LATS2: variants seen among roughly 807,000 people sequenced by gnomAD.
LATS2 encodes the protein serine/threonine-protein kinase LATS2.
In LATS2, 24 loss-of-function variants were observed where a neutral mutation model predicts 76.0. The ratio of observed to expected loss-of-function variants is 0.32; its 90% confidence interval spans 0.23 to 0.44. LATS2 has a LOEUF of 0.44. Ranked by LOEUF, LATS2 falls within the 20% of genes least tolerant of loss-of-function variation. The pLI is 1.00. For synonymous variants in LATS2, 692 were observed against 635.4 expected (o/e 1.09, Z -1.34); for missense variants, 1,286 against 1,481.2 (o/e 0.87, Z 2.16).
intron 2 of LATS2, among the ~76,000 whole-genome samples, chr13:20,996,230 A>G (rs1259128343): frequency 6.6e-6 from 1 of 152,212 alleles, no homozygotes; most frequent in Admixed American, 6.5e-5. Flanking sequence ...AGATGACTCA[A>G]CATGTGCAAA....
At chr13:21,003,257 ATTATTT>A (rs1231470786) in intron 2 of LATS2, among the ~76,000 whole-genome samples, 3 of 152,024 alleles carry the variant, frequency 2.0e-5, no homozygotes, top group Non-Finnish European at 4.4e-5. Flanking sequence ...ATTTATTATT[ATTATTT>A]TTGAGAGGGG....
intron 1 of LATS2, among the ~76,000 whole-genome samples, chr13:21,048,909 T>C (rs1873167201): frequency 6.6e-6 from 1 of 151,468 alleles, no homozygotes; most frequent in East Asian, 1.9e-4. Flanking sequence ...ATAGGATAAA[T>C]GAAAACAAAA....
chr13:21,034,127 C>T (rs949947819), intron 2 of LATS2, among the ~76,000 whole-genome samples: 9 of 152,186 alleles, frequency 5.9e-5, no homozygotes, highest in South Asian at 2.1e-4. Flanking sequence ...ATACCAACCA[C>T]GGGCCAGTTA....
intron 2 of LATS2, among the ~76,000 whole-genome samples, chr13:21,026,103 C>A (rs972282195): frequency 6.6e-6 from 1 of 152,144 alleles, no homozygotes; most frequent in Non-Finnish European, 1.5e-5. Context: ...GGATGCCCCA[C>A]CCTCCTCTAG....
chr13:20,992,777 C>T (rs935918196), intron 2 of LATS2, among the ~76,000 whole-genome samples: 3 of 152,076 alleles, frequency 2.0e-5, no homozygotes, highest in African/African-American at 4.8e-5. Context: ...TGGCTCACGC[C>T]TGTAATCCCA....
intron 2 of LATS2, among the ~76,000 whole-genome samples, chr13:21,036,456 C>T (rs1370295195): frequency 2.6e-5 from 4 of 152,086 alleles, no homozygotes; most frequent in Non-Finnish European, 5.9e-5. Flanking sequence ...TTTCTATTAT[C>T]ACACACATCC....
At chr13:21,051,851 G>A (rs1012422695) in intron 1 of LATS2, among the ~76,000 whole-genome samples, 5 of 150,416 alleles carry the variant, frequency 3.3e-5, no homozygotes, top group East Asian at 4.6e-4. Context: ...CAGCTACTCC[G>A]GAGGCTGAGG....
rs34389397 is a variant in LATS2 at position 20,999,863 on chromosome 13, C to CAAAA, written c.343-8463_343-8460dup. Among the ~76,000 whole-genome samples, 392 of 136,168 alleles carry CAAAA rather than the reference C, an allele frequency of 2.9e-3. 5 individuals carry two copies. The highest frequency in any genetic ancestry group is 0.019 in the East Asian group (88 of 4,614). The allele number at this position is 136,168 out of a possible 152,430, so 89.3% of individuals were successfully genotyped here. On this transcript the variant is annotated intron_variant, in intron 2 of 7. Transcript: ENST00000382592. ...TGAAACCTCATCTCTACTAAACATA[C>CAAAA]AAAAAAAAAAAAAAAATAGCCAGGC...
At position 21,045,545 on chromosome 13, in the gene LATS2, G is replaced by C. The variant is rs1331110792; in HGVS notation, c.342+140C>G. 4.9e-6 allele frequency: 3 copies of C among 617,660 alleles called. No homozygotes were observed. The African/African-American group carries it at 5.5e-5, about 11-fold the overall frequency. The allele number at this position is 617,660 out of a possible 1,614,324, so 38.3% of individuals were successfully genotyped here. On this transcript the variant is annotated intron_variant, in intron 2 of 7. Coordinates refer to ENST00000382592, the MANE Select transcript of LATS2 (RefSeq NM_014572.3). Reference sequence around the variant, plus strand: ...TTGTGAGTTCAATTATGTGTTAAAAGGGCCTTGGGTTTTTAACCTAGAAAC... The same window carrying C: ...TTGTGAGTTCAATTATGTGTTAAAACGGCCTTGGGTTTTTAACCTAGAAAC...
chr13:20,994,551 G>A (rs556410769), intron 2 of LATS2, among the ~76,000 whole-genome samples: 55 of 152,228 alleles, frequency 3.6e-4, no homozygotes, highest in Non-Finnish European at 7.2e-4. Context: ...GAGAGATGCA[G>A]CTGAAGCCTG....
intron 4 of LATS2, among the ~76,000 whole-genome samples, chr13:20,987,100 C>T (rs1281893447): frequency 6.6e-6 from 1 of 152,178 alleles, no homozygotes; most frequent in Non-Finnish European, 1.5e-5. Context: ...GAAGCTGAGG[C>T]AGGAGAATCG....
In LATS2 at chr13:21,050,147, G is replaced by GATAGATAGATACATACATACATAC. The variant is rs71200328; in HGVS notation, c.-204-3918_-204-3917insGTATGTATGTATGTATCTATCTAT. 2.2e-3 allele frequency among the ~76,000 whole-genome samples: 119 copies of GATAGATAGATACATACATACATAC among 53,788 alleles called. 4 individuals are homozygous for GATAGATAGATACATACATACATAC. The highest frequency in any genetic ancestry group is 8.5e-3 in the Middle Eastern group (1 of 118). 35.3% of individuals were successfully genotyped at this position (53,788 alleles called of 152,430 possible). A position where few individuals can be genotyped will look rare whatever the true frequency, so the allele number is the denominator to read the frequency against. On this transcript the variant is annotated intron_variant, in intron 1 of 7. Coordinates refer to ENST00000382592, the MANE Select transcript of LATS2 (RefSeq NM_014572.3). ...AGACAGATAGATAGATAGATAGATA[G>GATAGATAGATACATACATACATAC]ATACATACATACATACATACATACA...
intron 5 of LATS2, 68 bp downstream of exon 5, chr13:20,983,156 T>C (rs1869973366): frequency 2.8e-6 from 3 of 1,073,294 alleles, no homozygotes; most frequent in Admixed American, 2.2e-5. Flanking sequence ...ATGGGAAATT[T>C]AGTTGCTTGC....
At chr13:20,994,854 C>A (rs200017724) in intron 2 of LATS2, among the ~76,000 whole-genome samples, 82 of 144,364 alleles carry the variant, frequency 5.7e-4, no homozygotes, top group Non-Finnish European at 5.7e-4. Context: ...GAATGTGTCT[C>A]AAAAAAAAAA....
At chr13:20,986,442 A>C (rs1458143794) in intron 4 of LATS2, among the ~76,000 whole-genome samples, 1 of 152,242 alleles carries the variant, frequency 6.6e-6, no homozygotes, top group East Asian at 1.9e-4. Context: ...TCAGCCATAA[A>C]AAAGAATGAA....
intron 7 of LATS2, among the ~76,000 whole-genome samples, chr13:20,976,638 G>C (rs541979789): frequency 1.4e-4 from 21 of 152,216 alleles, no homozygotes; most frequent in African/African-American, 4.8e-4. Flanking sequence ...TAATGGACTT[G>C]AGGAGATATT....
intron 2 of LATS2, among the ~76,000 whole-genome samples, chr13:21,043,068 G>C (rs939255866): frequency 2.7e-5 from 4 of 148,602 alleles, no homozygotes; most frequent in Non-Finnish European, 6.0e-5. Flanking sequence ...ACGTGGTGAC[G>C]CACGCCTGTA....
chr13:20,987,935 T>G lies in LATS2; in HGVS notation c.1845A>C (p.Lys615Asn), dbSNP rs913409125. 5 of 1,614,238 alleles carry G rather than the reference T, an allele frequency of 3.1e-6. No homozygotes were observed. The African/African-American group carries it at 5.3e-5, about 17-fold the overall frequency. The change falls in exon 4 of 8, where the codon AAA becomes AAC. Residue 615 changes from lysine to asparagine, a missense_variant. Coordinates refer to ENST00000382592, the MANE Select transcript of LATS2 (RefSeq NM_014572.3). ...TCCGGTTAACCTTCTGCTGGTAGGT[T>G]TTGATGACATTCTCCACGTGCTGCT... ...FMEQHVENVIKTYQQKVNRRL... is the reference protein window; with the variant it reads ...FMEQHVENVINTYQQKVNRRL...
intron 2 of LATS2, among the ~76,000 whole-genome samples, chr13:20,995,473 G>A (rs939768070): frequency 8.5e-5 from 13 of 152,232 alleles, no homozygotes; most frequent in African/African-American, 2.7e-4. Context: ...AACTGAAGGC[G>A]AGGACAGTTC....
Sources: allele counts gnomAD v4.1 joint callset (sites outside exome capture counted in the v4.1 genomes callset), GRCh38; gene constraint gnomAD v4.1.1; transcripts MANE v1.5; gene names NCBI Gene and HGNC (gene_info 2026-07-23, HGNC 2026-07-21).